PPM1A: variants seen among roughly 807,000 people sequenced by gnomAD.
The protein encoded by PPM1A is protein phosphatase 1A.
PPM1A carries 7 observed loss-of-function variants against 35.0 expected under a neutral mutation model. The observed-to-expected ratio is 0.20, with a 90% CI of 0.11 to 0.38. The LOEUF (loss-of-function observed/expected upper bound fraction) is 0.38. Among genes scored for constraint, PPM1A ranks in the 10% least tolerant of loss-of-function variants. The pLI is 1.00. For missense variants in PPM1A, 239 were observed against 467.8 expected, an observed-to-expected ratio of 0.51 and a Z score of 4.51; for synonymous variants, 153 against 167.3, an observed-to-expected ratio of 0.91 and a Z score of 0.66.
chr14:60,261,842 G>T (rs962592257), intron 1 of PPM1A, among the ~76,000 whole-genome samples: 16 of 152,262 alleles, frequency 1.1e-4, no homozygotes, highest in Non-Finnish European at 1.8e-4. Context: ...CAGTTAAAGT[G>T]CCCCAAGAAG....
chr14:60,292,566 T>G lies in PPM1A; in HGVS notation c.*84T>G. 7.9e-6 allele frequency: 10 copies of G among 1,270,054 alleles called. 1 individual carries two copies. In the South Asian group the frequency reaches 1.3e-4, roughly 16 times the overall value. The allele number at this position is 1,270,054 out of a possible 1,614,324, so 78.7% of individuals were successfully genotyped here. On this transcript the variant is annotated 3_prime_UTR_variant, in exon 6 of 6. Transcript: ENST00000395076. This position sits in a 1 kb window ranked among gnomAD's most constrained non-coding sequence, Gnocchi z 4.2. Reference sequence around the variant, plus strand: ...TTGTTGAAACTTTTAACATCCATCCTCAACTTTAAGGAAGGGGATATGACA... The same window carrying G: ...TTGTTGAAACTTTTAACATCCATCCGCAACTTTAAGGAAGGGGATATGACA...
intron 1 of PPM1A, among the ~76,000 whole-genome samples, chr14:60,253,320 C>A (rs150540371): frequency 1.6e-4 from 24 of 152,244 alleles, no homozygotes; most frequent in African/African-American, 5.8e-4. Flanking sequence ...GCCGTACTTT[C>A]TTGGCCATTT....
chr14:60,267,799 G>A (rs1216425986), intron 1 of PPM1A, among the ~76,000 whole-genome samples: 2 of 151,932 alleles, frequency 1.3e-5, no homozygotes, highest in Non-Finnish European at 2.9e-5. Context: ...TTCCACATTA[G>A]TTTTACAGAC....
chr14:60,290,980 A>C (rs1887573949), intron 4 of PPM1A, among the ~76,000 whole-genome samples: 1 of 152,156 alleles, frequency 6.6e-6, no homozygotes, highest in Admixed American at 6.5e-5. Flanking sequence ...GGCATTAAGA[A>C]AAGTAGAAGC....
intron 1 of PPM1A, among the ~76,000 whole-genome samples, chr14:60,269,456 G>A (rs932050346): frequency 2.4e-4 from 36 of 152,096 alleles, no homozygotes; most frequent in African/African-American, 8.2e-4. Context: ...TATCCTCAAC[G>A]TTTATAGGCA....
intron 1 of PPM1A, among the ~76,000 whole-genome samples, chr14:60,257,695 C>T (rs1270685487): frequency 1.3e-5 from 2 of 152,084 alleles, no homozygotes; most frequent in African/African-American, 4.8e-5. Context: ...TTTTCTTTAT[C>T]ATGACTAGTA....
intron 1 of PPM1A, among the ~76,000 whole-genome samples, chr14:60,258,104 T>C (rs1181097069): frequency 6.6e-6 from 1 of 152,068 alleles, no homozygotes; most frequent in Non-Finnish European, 1.5e-5. Context: ...TAAATGCTTC[T>C]TGATACAGTA....
In PPM1A at chr14:60,296,584, C is replaced by G. The variant is rs1888080134; in HGVS notation, c.*4102C>G. ...TTTCTTTTAGGCATTAGGAAGCCTT[C>G]TTTAGAGTTCAAAATTTTAGAAGCC... On this transcript the variant is annotated 3_prime_UTR_variant, in exon 6 of 6. Coordinates refer to ENST00000395076, the MANE Select transcript of PPM1A (RefSeq NM_021003.5). The surrounding 1 kb of genome is among the most constrained non-coding windows in gnomAD (Gnocchi z 4.4). 3.1e-6 allele frequency: 1 copy of G among 324,610 alleles called. No individual in the cohort carries two copies. Among genetic ancestry groups the G allele is most frequent in the South Asian group, 1.5e-4 (1 of 6,856 alleles). The allele number at this position is 324,610 out of a possible 1,614,324, so 20.1% of individuals were successfully genotyped here.
upstream of PPM1A, chr14:60,248,513 C>G (rs1196596779): frequency 6.6e-6 from 1 of 152,506 alleles, no homozygotes; most frequent in African/African-American, 2.4e-5. Flanking sequence ...GCTTGTGTCT[C>G]TGCCCTTTGG....
intron 1 of PPM1A, among the ~76,000 whole-genome samples, chr14:60,256,271 T>C (rs1301599657): frequency 6.6e-6 from 1 of 151,662 alleles, no homozygotes. Context: ...TACAAAAAAT[T>C]AGCCAGGCGT....
At position 60,256,393 on chromosome 14, in the gene PPM1A, ACT is replaced by A. The variant is rs532550094; in HGVS notation, c.-21+6717_-21+6718del. On this transcript the variant is annotated intron_variant, in intron 1 of 5. Transcript: ENST00000395076. ...GGTTGCAGTGAGCCAAGATTGCATC[ACT>A]GCATTCTAGCCTGGCAACAGAGCAA... Among the ~76,000 whole-genome samples the A allele has an allele frequency of 4.2e-3, 639 of 152,352 alleles. 10 individuals carry two copies. Among genetic ancestry groups the A allele is most frequent in the African/African-American group, 0.015 (608 of 41,584 alleles).
chr14:60,249,785 G>T lies in PPM1A; in HGVS notation c.-21+108G>T, dbSNP rs1882115556. The stretch of plus-strand genomic sequence containing the variant: ...GTAAACAAGCCGGGCGTCTGCCCGG[G>T]CGCTCCCGGGAGGAGACGCGACAAC... On this transcript the variant is annotated intron_variant, in intron 1 of 5. Transcript: ENST00000395076. The surrounding 1 kb of genome is among the most constrained non-coding windows in gnomAD (Gnocchi z 4.5). 2 of 709,920 alleles carry T rather than the reference G, an allele frequency of 2.8e-6. No individual in the cohort carries two copies. Among genetic ancestry groups the T allele is most frequent in the Admixed American group, 6.3e-5 (1 of 15,768 alleles). The allele number at this position is 709,920 out of a possible 1,614,324, so 44.0% of individuals were successfully genotyped here. A position where few individuals can be genotyped will look rare whatever the true frequency, so the allele number is the denominator to read the frequency against.
chr14:60,287,868 A>G (rs893589933), intron 3 of PPM1A: 5 of 985,058 alleles, frequency 5.1e-6, no homozygotes, highest in South Asian at 9.4e-5. Flanking sequence ...TAAAGTTGCT[A>G]ATTTGGAGAT....
upstream of PPM1A, chr14:60,246,025 G>C (rs914791553): frequency 1.3e-6 from 2 of 1,578,258 alleles, no homozygotes; most frequent in Non-Finnish European, 1.7e-6. Context: ...GAGGATGTGT[G>C]AGAGAAAAAA....
chr14:60,270,149 G>A (rs538305335), intron 1 of PPM1A, among the ~76,000 whole-genome samples: 147 of 151,938 alleles, frequency 9.7e-4, no homozygotes, highest in African/African-American at 3.0e-3. Context: ...GATGATTTTT[G>A]TCCTGTTCGT....
chr14:60,291,482 T>C (rs752963774), intron 5 of PPM1A, 28 bp downstream of exon 5: 1 of 1,532,564 alleles, frequency 6.5e-7, no homozygotes, highest in South Asian at 1.2e-5. Context: ...TCCCTCTGCT[T>C]TCCCTTCCCC....
chr14:60,292,376 C>T lies in PPM1A; in HGVS notation c.1120-77C>T, dbSNP rs1887726896. ...ATCTTTACAGAACATTATCTTTCTCCATTATCCAGAAAGTATGGTGTATTT... is the reference window on the plus strand; with the variant it reads ...ATCTTTACAGAACATTATCTTTCTCTATTATCCAGAAAGTATGGTGTATTT... On this transcript the variant is annotated intron_variant, in intron 5 of 5. Transcript: ENST00000395076. This position sits in a 1 kb window ranked among gnomAD's most constrained non-coding sequence, Gnocchi z 4.2. 1 of 1,075,926 alleles carries T rather than the reference C, an allele frequency of 9.3e-7. No individual in the cohort carries two copies. Among genetic ancestry groups the T allele is most frequent in the African/African-American group, 1.6e-5 (1 of 64,076 alleles). 66.6% of individuals were successfully genotyped at this position (1,075,926 alleles called of 1,614,324 possible).
At chr14:60,250,081 C>T (rs927379624) in intron 1 of PPM1A, among the ~76,000 whole-genome samples, 1 of 151,824 alleles carries the variant, frequency 6.6e-6, no homozygotes, top group Non-Finnish European at 1.5e-5. Flanking sequence ...CTCGGGCGCG[C>T]CGCCCCGGCT....
rs566634871 is a variant in PPM1A at position 60,262,846 on chromosome 14, G to T, written c.-21+13169G>T. On this transcript the variant is annotated intron_variant, in intron 1 of 5. Transcript: ENST00000395076. ...CTGCATAAAGTAAGGCACTATCATT[G>T]TGCTGGTATTTTCTGATTCTCTTAG... is the stretch of plus-strand genomic sequence containing the variant. Among the ~76,000 whole-genome samples, 12 of 152,320 alleles carry T rather than the reference G, an allele frequency of 7.9e-5. No homozygotes were observed. The South Asian group carries it at 2.5e-3, about 32-fold the overall frequency.
Sources: allele counts gnomAD v4.1 joint callset (sites outside exome capture counted in the v4.1 genomes callset), GRCh38; gene constraint gnomAD v4.1.1; non-coding constraint Gnocchi (gnomAD v3.1); transcripts MANE v1.5; gene names NCBI Gene and HGNC (gene_info 2026-07-23, HGNC 2026-07-21).